The following GRAMD1C variants were observed in gnomAD, a reference collection of about 807,000 sequenced individuals.
The protein encoded by GRAMD1C is protein Aster-C.
GRAMD1C carries 89 observed loss-of-function variants against 97.8 expected under a neutral mutation model. That is an observed-to-expected ratio of 0.91 (90% CI 0.77 to 1.09). GRAMD1C has a LOEUF of 1.09. Among genes scored for constraint, GRAMD1C ranks in the 50% least tolerant of loss-of-function variants. The pLI, the probability that GRAMD1C is intolerant of heterozygous loss-of-function variation, is 0.00. For synonymous variants in GRAMD1C, 256 were observed against 267.0 expected (o/e 0.96, Z 0.40); for missense variants, 740 against 766.4 (o/e 0.97, Z 0.41).
intron 10 of GRAMD1C, chr3:113,920,003 G>C: frequency 1.4e-6 from 1 of 700,348 alleles, no homozygotes; most frequent in Non-Finnish European, 2.6e-6. Context: ...CCAACAATCA[G>C]ATGTGAACCA....
At chr3:113,911,976 C>T in intron 9 of GRAMD1C, among the ~76,000 whole-genome samples, 1 of 152,110 alleles carries the variant, frequency 6.6e-6, no homozygotes. Context: ...ATCAGCCCGC[C>T]TCGGCCTCCC....
chr3:113,920,234 A>C, intron 10 of GRAMD1C: 2 of 1,029,532 alleles, frequency 1.9e-6, no homozygotes, highest in Non-Finnish European at 2.8e-6. Context: ...AAAGCAACAA[A>C]TTCCTGTAAC....
At chr3:113,836,250 C>T (rs952910766), upstream of GRAMD1C, among the ~76,000 whole-genome samples, 5 of 152,078 alleles carry the variant, frequency 3.3e-5, no homozygotes, top group East Asian at 3.9e-4. Flanking sequence ...GGGGACAGAA[C>T]GAGACTCTGT....
chr3:113,885,775 A>G, intron 6 of GRAMD1C: 2 of 1,599,760 alleles, frequency 1.3e-6, no homozygotes, highest in East Asian at 2.2e-5. Context: ...TACAGACAGC[A>G]CTGCACTTTG....
intron 2 of GRAMD1C, among the ~76,000 whole-genome samples, chr3:113,858,124 C>A (rs922738734): frequency 1.3e-5 from 2 of 152,104 alleles, no homozygotes; most frequent in Non-Finnish European, 2.9e-5. Flanking sequence ...CTGGAGATTT[C>A]TTCCTTGGGA....
At chr3:113,868,838 T>G (rs1227171570) in intron 2 of GRAMD1C, among the ~76,000 whole-genome samples, 1 of 152,172 alleles carries the variant, frequency 6.6e-6, no homozygotes, top group Non-Finnish European at 1.5e-5. Context: ...ATTGGAGCTT[T>G]TGTTCAGCTA....
intron 9 of GRAMD1C, among the ~76,000 whole-genome samples, chr3:113,914,054 T>C (rs1334385030): frequency 6.6e-6 from 1 of 152,190 alleles, no homozygotes; most frequent in Non-Finnish European, 1.5e-5. Context: ...CAAGTCAGGA[T>C]AGGTTCTGTG....
At chr3:113,896,516 A>G (rs1935955509) in intron 6 of GRAMD1C, among the ~76,000 whole-genome samples, 1 of 152,170 alleles carries the variant, frequency 6.6e-6, no homozygotes, top group African/African-American at 2.4e-5. Context: ...ATGTGTATAA[A>G]TATCAGTTGT....
In GRAMD1C at chr3:113,939,995, A is replaced by G; in HGVS notation, c.1801A>G (p.Asn601Asp). 1 of 1,506,314 alleles carries G rather than the reference A, an allele frequency of 6.6e-7. No homozygotes were observed. The highest frequency in any genetic ancestry group is 9.2e-7 in the Non-Finnish European group (1 of 1,081,710). 93.3% of individuals were successfully genotyped at this position (1,506,314 alleles called of 1,614,324 possible). Residue 601 changes from asparagine (N) to aspartate (D), a missense_variant and splice_region_variant, in exon 16 of 18, where the codon AAT (asparagine) becomes GAT (aspartate). Coordinates refer to ENST00000358160, the MANE Select transcript of GRAMD1C (RefSeq NM_017577.5). ...CCGCCTCCAAGAAGAGAAATCTTTA[A>G]AGTAAGTCTTTTTCCCCCTGACCTG... is the stretch of plus-strand genomic sequence containing the variant. ...RLRLQEEKSL[N>D]LASDMVSRAE...
chr3:113,843,010 G>T (rs1358812909), intron 1 of GRAMD1C, among the ~76,000 whole-genome samples: 3 of 142,660 alleles, frequency 2.1e-5, no homozygotes, highest in African/African-American at 7.6e-5. Context: ...TGGAGCAGCA[G>T]CAGCAGAGAT....
At chr3:113,899,722 T>G (rs553815918) in intron 6 of GRAMD1C, among the ~76,000 whole-genome samples, 5 of 152,218 alleles carry the variant, frequency 3.3e-5, no homozygotes, top group Non-Finnish European at 7.3e-5. Flanking sequence ...AATTTTATTT[T>G]TCAACTGGAG....
At chr3:113,897,161 G>A (rs1577178926) in intron 6 of GRAMD1C, among the ~76,000 whole-genome samples, 1 of 152,232 alleles carries the variant, frequency 6.6e-6, no homozygotes, top group East Asian at 1.9e-4. Flanking sequence ...AAGGATTAAT[G>A]CAAGAGTCTG....
upstream of GRAMD1C, among the ~76,000 whole-genome samples, chr3:113,834,958 A>C (rs1464926951): frequency 7.0e-6 from 1 of 141,946 alleles, no homozygotes. Context: ...AAAAAAAAAG[A>C]CACTGATATT....
chr3:113,882,914 T>A (rs62265406), intron 6 of GRAMD1C, 82 bp downstream of exon 6: 132,942 of 644,676 alleles, frequency 0.21, 14,214 homozygotes, highest in Middle Eastern at 0.25. Context: ...TTCTTATTTT[T>A]CTTAACTAAA....
rs1156278387 is a variant in GRAMD1C, at chr3:113,934,448, A to T, written c.1369A>T (p.Lys457Ter). ...KCRLRVSTDLKYRKQPWGLVK... is the reference protein window; with the variant it reads ...KCRLRVSTDL Reference sequence around the variant, plus strand: ...TTCTACTAGAGTTTCCACAGATTTGAAATACAGAAAACAGCCATGGGGCCT... The same window carrying T: ...TTCTACTAGAGTTTCCACAGATTTGTAATACAGAAAACAGCCATGGGGCCT... Residue 457 changes from lysine to a stop codon, truncating the protein, a stop_gained, in exon 13 of 18, where the codon AAA becomes TAA. Coordinates refer to ENST00000358160, the MANE Select transcript of GRAMD1C (RefSeq NM_017577.5). LOFTEE classifies it high-confidence loss of function. 25 of 1,529,206 alleles carry T rather than the reference A, an allele frequency of 1.6e-5. 1 individual carries two copies. The Middle Eastern group carries it at 1.9e-3, about 114-fold the overall frequency. The allele number at this position is 1,529,206 out of a possible 1,614,324, so 94.7% of individuals were successfully genotyped here.
At chr3:113,904,450 GT>G (rs1559805335) in intron 8 of GRAMD1C, among the ~76,000 whole-genome samples, 178 bp downstream of exon 8, 1 of 152,114 alleles carries the variant, frequency 6.6e-6, no homozygotes. Flanking sequence ...AAAATATGTG[GT>G]TTTGTTCAGA....
intron 13 of GRAMD1C, among the ~76,000 whole-genome samples, chr3:113,935,348 C>G (rs1030163615): frequency 1.3e-5 from 2 of 152,026 alleles, no homozygotes; most frequent in African/African-American, 4.8e-5. Flanking sequence ...TCAGATGCAG[C>G]TTTCCTGGGC....
At chr3:113,858,255 CAG>C (rs201258741) in intron 2 of GRAMD1C, among the ~76,000 whole-genome samples, 2,424 of 151,340 alleles carry the variant, frequency 0.016, 101 homozygotes, top group Admixed American at 0.083. Flanking sequence ...GTTCTTGAGA[CAG>C]AGTCTCACTC....
Position 113,875,718 on chromosome 3 carries a change from TG to T in GRAMD1C, c.363+132del, listed in dbSNP as rs1399606593. The T allele has an allele frequency of 1.1e-5, 5 of 473,304 alleles. No individual in the cohort carries two copies. In the African/African-American group the frequency reaches 2.2e-4, roughly 21 times the overall value. The allele number at this position is 473,304 out of a possible 1,614,324, so 29.3% of individuals were successfully genotyped here. A position where few individuals can be genotyped will look rare whatever the true frequency, so the allele number is the denominator to read the frequency against. On this transcript the variant is annotated intron_variant, in intron 4 of 17. Coordinates refer to ENST00000358160, the MANE Select transcript of GRAMD1C (RefSeq NM_017577.5). ...ATTTGTGCATCTAAATTAGTGTGCA[TG>T]TAAATACAAACGTGTTGTATATATA...
Sources: allele counts gnomAD v4.1 joint callset (sites outside exome capture counted in the v4.1 genomes callset), GRCh38; gene constraint gnomAD v4.1.1; transcripts MANE v1.5; gene names NCBI Gene and HGNC (gene_info 2026-07-23, HGNC 2026-07-21).